The following LAMP3 variants were observed in gnomAD, a reference collection of about 807,000 sequenced individuals.
The protein encoded by LAMP3 is lysosome associated membrane protein 3, also known as lysosome-associated membrane glycoprotein 3.
A neutral mutation model predicts 34.8 loss-of-function variants in LAMP3; 26 were observed. That is an observed-to-expected ratio of 0.75 (90% CI 0.55 to 1.04). LAMP3 has a LOEUF of 1.04. LAMP3 is among the 50% of genes least tolerant of loss of function. The pLI, the probability that LAMP3 is intolerant of heterozygous loss-of-function variation, is 0.00. For synonymous variants in LAMP3, 180 were observed against 201.9 expected, an observed-to-expected ratio of 0.89 and a Z score of 0.92; for missense variants, 495 against 524.0, an observed-to-expected ratio of 0.94 and a Z score of 0.54.
chr3:183,145,961 T>C (rs1296974162), intron 3 of LAMP3, among the ~76,000 whole-genome samples: 2 of 152,206 alleles, frequency 1.3e-5, no homozygotes, highest in African/African-American at 4.8e-5. Flanking sequence ...AGGGACAAAG[T>C]AGGTGCTCAG....
intron 5 of LAMP3, among the ~76,000 whole-genome samples, chr3:183,128,775 C>T (rs1356646665): frequency 6.6e-6 from 1 of 152,116 alleles, no homozygotes; most frequent in Admixed American, 6.6e-5. Flanking sequence ...CTCCTGGGCT[C>T]AAGCAATCCT....
intron 5 of LAMP3, chr3:183,131,970 T>TC: frequency 2.0e-6 from 2 of 985,398 alleles, no homozygotes; most frequent in South Asian, 9.4e-5. Flanking sequence ...AAGTGAGTGA[T>TC]CCTCCAGGCA....
intron 1 of LAMP3, among the ~76,000 whole-genome samples, chr3:183,157,882 G>A (rs1050385742): frequency 2.6e-5 from 4 of 152,142 alleles, no homozygotes; most frequent in Non-Finnish European, 5.9e-5. Flanking sequence ...GAAGATATGT[G>A]GTACCCGGTC....
In LAMP3 at chr3:183,154,013, T is replaced by G; in HGVS notation, c.428A>C (p.His143Pro). 6.2e-7 allele frequency: 1 copy of G among 1,614,146 alleles called. No individual in the cohort carries two copies. The highest frequency in any genetic ancestry group is 8.5e-7 in the Non-Finnish European group (1 of 1,180,024). Reference protein sequence around the residue: ...SLPPTITPPAHTTGTSSSTVS... With the variant: ...SLPPTITPPAPTTGTSSSTVS... ...GGTTGATGAACTGGTTCCAGTTGTA[T>G]GAGCTGGTGGGGTGATGGTGGGTGG... The change falls in exon 2 of 6, where the codon CAT becomes CCT. Residue 143 changes from histidine (H) to proline (P), a missense_variant. His to Pro is a moderately conservative substitution (Grantham distance 77). Transcript: ENST00000265598.
At chr3:183,125,884 A>G (rs1001838869) in intron 5 of LAMP3, among the ~76,000 whole-genome samples, 1 of 152,128 alleles carries the variant, frequency 6.6e-6, no homozygotes, top group Non-Finnish European at 1.5e-5. Flanking sequence ...TATGTGGCCC[A>G]GGCTGGTTTC....
At chr3:183,138,176 A>G (rs1720159984) in intron 4 of LAMP3, among the ~76,000 whole-genome samples, 1 of 152,138 alleles carries the variant, frequency 6.6e-6, no homozygotes, top group African/African-American at 2.4e-5. Context: ...TCTGGTCCAT[A>G]TCTAGTGATA....
At chr3:183,151,327 G>A (rs1720623652) in intron 3 of LAMP3, among the ~76,000 whole-genome samples, 1 of 152,028 alleles carries the variant, frequency 6.6e-6, no homozygotes, top group South Asian at 2.1e-4. Flanking sequence ...GGGATGACCA[G>A]CCCCCTCTGG....
At chr3:183,150,498 T>G (rs1720595676) in intron 3 of LAMP3, among the ~76,000 whole-genome samples, 1 of 150,854 alleles carries the variant, frequency 6.6e-6, no homozygotes, top group South Asian at 2.1e-4. Flanking sequence ...TGGGTCTGGG[T>G]GGAACTGAGC....
At chr3:183,153,600 G>A (rs1720724026) in intron 2 of LAMP3, 82 bp downstream of exon 2, 1 of 891,966 alleles carries the variant, frequency 1.1e-6, no homozygotes, top group Non-Finnish European at 1.7e-6. Context: ...GACACAGGAT[G>A]TGGGGAATGC....
chr3:183,140,147 C>T (rs1389035005), intron 4 of LAMP3, among the ~76,000 whole-genome samples: 1 of 152,120 alleles, frequency 6.6e-6, no homozygotes, highest in Non-Finnish European at 1.5e-5. Flanking sequence ...TGGCTCACGC[C>T]TGTAATCCCA....
intron 1 of LAMP3, among the ~76,000 whole-genome samples, chr3:183,160,372 C>A (rs1720942030): frequency 6.6e-6 from 1 of 152,210 alleles, no homozygotes; most frequent in Non-Finnish European, 1.5e-5. Flanking sequence ...TAGCGTAGAG[C>A]CTGAACCCCA....
chr3:183,131,028 G>A lies in LAMP3; in HGVS notation c.1117+4689C>T, dbSNP rs933463754. 5.9e-5 allele frequency among the ~76,000 whole-genome samples: 9 copies of A among 152,114 alleles called. No homozygotes were observed. In the South Asian group the frequency reaches 6.2e-4, roughly 10 times the overall value. The stretch of plus-strand genomic sequence containing the variant: ...CTGTGAGTAAATTACACATCCAAGC[G>A]TTTATTTACTGGCCATTCCAATGAA... On this transcript the variant is annotated intron_variant, in intron 5 of 5. Transcript: ENST00000265598.
chr3:183,149,574 A>AAAAATATATATAT (rs1720561533), intron 3 of LAMP3, among the ~76,000 whole-genome samples: 1 of 32,626 alleles, frequency 3.1e-5, no homozygotes, highest in Non-Finnish European at 5.1e-5. Context: ...AAAAAAAAAA[A>AAAAATATATATAT]ATATATATAT....
intron 1 of LAMP3, among the ~76,000 whole-genome samples, chr3:183,155,199 C>T (rs1720788825): frequency 6.6e-6 from 1 of 152,188 alleles, no homozygotes; most frequent in Non-Finnish European, 1.5e-5. Flanking sequence ...CGTGAGCCAC[C>T]GTGCCCCACC....
intron 1 of LAMP3, among the ~76,000 whole-genome samples, chr3:183,162,320 T>C (rs1721002263): frequency 6.6e-6 from 1 of 152,124 alleles, no homozygotes; most frequent in African/African-American, 2.4e-5. Flanking sequence ...CTCCCATTCC[T>C]AAACCCTAGC....
In LAMP3 at chr3:183,154,406, A is replaced by G; in HGVS notation, c.50-15T>C. 1 of 1,572,908 alleles carries G rather than the reference A, an allele frequency of 6.4e-7. No homozygotes were observed. The highest frequency in any genetic ancestry group is 8.6e-7 in the Non-Finnish European group (1 of 1,156,824). The stretch of plus-strand genomic sequence containing the variant: ...GTGCAAAATTACTGAAAATTAGGAA[A>G]TAAAAGTGTTAAAAACACTAACCGA... On this transcript the variant is annotated splice_polypyrimidine_tract_variant and intron_variant, in intron 1 of 5. Transcript: ENST00000265598.
intron 3 of LAMP3, among the ~76,000 whole-genome samples, chr3:183,147,251 GA>G (rs57044548): frequency 0.85 from 129,047 of 151,130 alleles, 55,101 homozygotes; most frequent in East Asian, 0.9. Flanking sequence ...TAAAAACAAA[GA>G]AAAAAAAAAT....
intron 5 of LAMP3, among the ~76,000 whole-genome samples, chr3:183,126,429 AT>A (rs1719780678): frequency 6.6e-6 from 1 of 152,202 alleles, no homozygotes; most frequent in Non-Finnish European, 1.5e-5. Context: ...CATTTCTAAA[AT>A]GCAAAAGAGT....
chr3:183,133,544 T>C (rs1719990915), intron 5 of LAMP3, among the ~76,000 whole-genome samples: 1 of 152,112 alleles, frequency 6.6e-6, no homozygotes, highest in African/African-American at 2.4e-5. Context: ...TTAGTAGAGA[T>C]GGGGTTTTGC....
Sources: allele counts gnomAD v4.1 joint callset (sites outside exome capture counted in the v4.1 genomes callset), GRCh38; gene constraint gnomAD v4.1.1; transcripts MANE v1.5; gene names NCBI Gene and HGNC (gene_info 2026-07-23, HGNC 2026-07-21).